RETREG1: variants seen among roughly 807,000 people sequenced by gnomAD.
The protein encoded by RETREG1 is reticulophagy regulator 1.
RETREG1 carries 44 observed loss-of-function variants against 54.8 expected under a neutral mutation model. The observed-to-expected ratio is 0.80, with a 90% CI of 0.63 to 1.03. The LOEUF (loss-of-function observed/expected upper bound fraction) is 1.03, where lower values mean the gene tolerates loss of function less well. RETREG1 is among the 50% of genes least tolerant of loss of function. The pLI, the probability that RETREG1 is intolerant of heterozygous loss-of-function variation, is 0.00. For missense variants in RETREG1, 554 were observed against 605.1 expected (o/e 0.92, Z 0.89); for synonymous variants, 217 against 238.5 (o/e 0.91, Z 0.83).
At chr5:16,573,180 CAAAAAAAAAAAAAAA>C (rs11303408) in intron 1 of RETREG1, among the ~76,000 whole-genome samples, 4 of 45,146 alleles carry the variant, frequency 8.9e-5, no homozygotes, top group South Asian at 4.1e-3. Flanking sequence ...GATTCTGTCT[CAAAAAAAAAAAAAAA>C]AAAAAAAAAA....
chr5:16,519,521 A>G (rs997133982), intron 3 of RETREG1, among the ~76,000 whole-genome samples: 3 of 152,154 alleles, frequency 2.0e-5, no homozygotes, highest in Admixed American at 2.0e-4. Context: ...ATTAGATCAG[A>G]CTTAACCCAG....
chr5:16,476,356 C>T (rs139592854), intron 8 of RETREG1, among the ~76,000 whole-genome samples: 39 of 152,216 alleles, frequency 2.6e-4, no homozygotes, highest in African/African-American at 8.4e-4. Context: ...ATAATCTGCT[C>T]ATATGTTCAG....
At chr5:16,552,427 A>G (rs1741570223) in intron 3 of RETREG1, among the ~76,000 whole-genome samples, 1 of 152,148 alleles carries the variant, frequency 6.6e-6, no homozygotes, top group African/African-American at 2.4e-5. Flanking sequence ...TTTGGAGAGC[A>G]CAAGATAAAC....
chr5:16,517,084 T>C (rs13163405), intron 3 of RETREG1, among the ~76,000 whole-genome samples: 21 of 109,106 alleles, frequency 1.9e-4, no homozygotes, highest in Non-Finnish European at 1.0e-4. Flanking sequence ...ATATAGCTAA[T>C]AGGAGTCTTA....
chr5:16,583,002 C>T (rs983549067), intron 1 of RETREG1, among the ~76,000 whole-genome samples: 2 of 152,152 alleles, frequency 1.3e-5, no homozygotes, highest in Non-Finnish European at 2.9e-5. Flanking sequence ...GCTCTAGGTG[C>T]GGCTGCTCTG....
intron 1 of RETREG1, among the ~76,000 whole-genome samples, chr5:16,577,578 T>C (rs908413491): frequency 7.9e-5 from 12 of 152,158 alleles, no homozygotes; most frequent in Non-Finnish European, 1.5e-5. Context: ...TCTTGAGTTC[T>C]TCCCTTTATT....
In RETREG1 at chr5:16,473,474, T is replaced by C. The variant is rs1010299873; in HGVS notation, c.*1267A>G. 6.6e-6 allele frequency: 1 copy of C among 152,628 alleles called. No individual in the cohort carries two copies. The highest frequency in any genetic ancestry group is 1.5e-5 in the Non-Finnish European group (1 of 68,006). The allele number at this position is 152,628 out of a possible 1,614,324, so 9.5% of individuals were successfully genotyped here. A position where few individuals can be genotyped will look rare whatever the true frequency, so the allele number is the denominator to read the frequency against. ...GATTTCCTATATTCTTGGATTATCC[T>C]TCCTTTCTGAGGGTCTCAGATGTCT... is the stretch of plus-strand genomic sequence containing the variant. On this transcript the variant is annotated 3_prime_UTR_variant, in exon 9 of 9. Transcript: ENST00000306320.
intron 3 of RETREG1, among the ~76,000 whole-genome samples, chr5:16,492,229 T>TCTCTCTCACACACACACA (rs1406702350): frequency 3.3e-4 from 37 of 110,642 alleles, no homozygotes; most frequent in Non-Finnish European, 4.9e-4. Flanking sequence ...TCTCTCTCTC[T>TCTCTCTCACACACACACA]CACACACACA....
At chr5:16,605,410 C>T (rs1201655145) in intron 1 of RETREG1, among the ~76,000 whole-genome samples, 1 of 152,200 alleles carries the variant, frequency 6.6e-6, no homozygotes, top group African/African-American at 2.4e-5. Flanking sequence ...TTGACCTTGC[C>T]TCTCCATAGT....
At chr5:16,522,627 T>C (rs904751151) in intron 3 of RETREG1, among the ~76,000 whole-genome samples, 14 of 152,290 alleles carry the variant, frequency 9.2e-5, no homozygotes, top group African/African-American at 3.4e-4. Context: ...TCCACGATAA[T>C]TCCTCATGAG....
Position 16,474,585 on chromosome 5 carries a change from A to G in RETREG1, c.*156T>C, listed in dbSNP as rs886877553. 9.8e-6 allele frequency: 8 copies of G among 819,906 alleles called. No individual in the cohort carries two copies. Among genetic ancestry groups the G allele is most frequent in the Admixed American group, 2.8e-5 (1 of 35,898 alleles). 50.8% of individuals were successfully genotyped at this position (819,906 alleles called of 1,614,324 possible). On this transcript the variant is annotated 3_prime_UTR_variant, in exon 9 of 9. Coordinates refer to ENST00000306320, the MANE Select transcript of RETREG1 (RefSeq NM_001034850.3). The stretch of plus-strand genomic sequence containing the variant: ...TCAATCTATCAGTGTCAGCTGATAT[A>G]TATCCAATTAATTCACTGCAGGAGG...
At chr5:16,487,030 C>T (rs1243210281) in intron 3 of RETREG1, among the ~76,000 whole-genome samples, 1 of 152,164 alleles carries the variant, frequency 6.6e-6, no homozygotes, top group Non-Finnish European at 1.5e-5. Flanking sequence ...CTGGGCAAGG[C>T]TTGGGGAACA....
At chr5:16,483,215 T>C in intron 4 of RETREG1, 131 bp downstream of exon 4, 1 of 1,067,486 alleles carries the variant, frequency 9.4e-7, no homozygotes, top group East Asian at 2.4e-5. Context: ...TGATACCAGC[T>C]TTTATGGCAT....
Position 16,523,398 on chromosome 5 carries a change from G to A in RETREG1, c.459-39926C>T, listed in dbSNP as rs75030923. Among the ~76,000 whole-genome samples the A allele has an allele frequency of 5.6e-4, 85 of 152,212 alleles. No individual in the cohort carries two copies. In the East Asian group the frequency reaches 8.3e-3, roughly 15 times the overall value. ...TTATCATGACCTTGACAGATCTGAG[G>A]AGTGTTTTGTAGAGATGCGTCAGTT... On this transcript the variant is annotated intron_variant, in intron 3 of 8. Coordinates refer to ENST00000306320, the MANE Select transcript of RETREG1 (RefSeq NM_001034850.3).
At position 16,594,606 on chromosome 5, in the gene RETREG1, T is replaced by C. The variant is rs1742850542; in HGVS notation, c.320+22046A>G. Among the ~76,000 whole-genome samples the C allele has an allele frequency of 6.6e-6, 1 of 152,026 alleles. No homozygotes were observed. The highest frequency in any genetic ancestry group is 2.4e-5 in the African/African-American group (1 of 41,366). On this transcript the variant is annotated intron_variant, in intron 1 of 8. Transcript: ENST00000306320. The surrounding 1 kb of genome is among the most constrained non-coding windows in gnomAD (Gnocchi z 4.4). ...TGGGCGTGGTGGCGCATGTCTGTAG[T>C]CCCAGATACTCGGGAGGCTGAGGCA...
At chr5:16,584,783 C>T (rs895063378) in intron 1 of RETREG1, among the ~76,000 whole-genome samples, 1 of 152,262 alleles carries the variant, frequency 6.6e-6, no homozygotes, top group South Asian at 2.1e-4. Flanking sequence ...AATAAAGACC[C>T]TCTCAATTGT....
intron 3 of RETREG1, among the ~76,000 whole-genome samples, chr5:16,514,699 C>A (rs1740288997): frequency 6.6e-6 from 1 of 151,744 alleles, no homozygotes; most frequent in Admixed American, 6.6e-5. Context: ...CCATTCCCCC[C>A]AAGTCCCCAA....
At chr5:16,539,643 A>G (rs1025012628) in intron 3 of RETREG1, among the ~76,000 whole-genome samples, 8 of 152,006 alleles carry the variant, frequency 5.3e-5, no homozygotes, top group African/African-American at 1.9e-4. Context: ...CTTTCCAATC[A>G]ACCACCAGGA....
intron 1 of RETREG1, among the ~76,000 whole-genome samples, chr5:16,572,587 A>G (rs2126306414): frequency 6.6e-6 from 1 of 152,332 alleles, no homozygotes; most frequent in Middle Eastern, 3.4e-3. Flanking sequence ...CAGCAAAATG[A>G]AAGTGTCTGA....
Sources: allele counts gnomAD v4.1 joint callset (sites outside exome capture counted in the v4.1 genomes callset), GRCh38; gene constraint gnomAD v4.1.1; non-coding constraint Gnocchi (gnomAD v3.1); transcripts MANE v1.5; gene names NCBI Gene and HGNC (gene_info 2026-07-23, HGNC 2026-07-21).